The following MECOM variants were observed in gnomAD, a reference collection of about 807,000 sequenced individuals.
MECOM encodes the protein MDS1 and EVI1 complex locus.
Under a neutral mutation model 116.3 loss-of-function variants are expected in MECOM, and 13 were observed. The ratio of observed to expected loss-of-function variants is 0.11; its 90% CI spans 0.07 to 0.18. MECOM has a LOEUF of 0.18. MECOM is among the 10% of genes least tolerant of loss of function. The pLI is 1.00. For synonymous variants in MECOM, 528 were observed against 535.2 expected (o/e 0.99, Z 0.19); for missense variants, 1,299 against 1,509.0 (o/e 0.86, Z 2.31).
At chr3:169,382,874 T>A (rs9859261) in intron 1 of MECOM, among the ~76,000 whole-genome samples, 11,253 of 51,016 alleles carry the variant, frequency 0.22, 1,472 homozygotes, top group East Asian at 0.39. Flanking sequence ...ATAAAAAAAA[T>A]AAAAAAAGAA....
chr3:169,287,697 C>T (rs1177078025), intron 2 of MECOM, among the ~76,000 whole-genome samples: 1 of 151,846 alleles, frequency 6.6e-6, no homozygotes, highest in Non-Finnish European at 1.5e-5. Context: ...TTTATGGATA[C>T]AATTGTTGTA....
At chr3:169,298,931 G>A (rs915371800) in intron 2 of MECOM, among the ~76,000 whole-genome samples, 3 of 152,080 alleles carry the variant, frequency 2.0e-5, no homozygotes, top group African/African-American at 7.2e-5. Flanking sequence ...AAGGGATTTC[G>A]AACTATAATA....
chr3:169,302,637 G>A (rs936407829), intron 2 of MECOM, among the ~76,000 whole-genome samples: 6 of 152,228 alleles, frequency 3.9e-5, no homozygotes, highest in South Asian at 2.1e-4. Flanking sequence ...GGCCGAGGCC[G>A]GTGGATCACT....
At chr3:169,370,170 A>T (rs1401262748) in intron 2 of MECOM, among the ~76,000 whole-genome samples, 2 of 152,054 alleles carry the variant, frequency 1.3e-5, no homozygotes, top group Admixed American at 1.3e-4. Context: ...GCATAAAAAC[A>T]TACACATAGA....
chr3:169,335,716 C>A (rs1441283534), intron 2 of MECOM, among the ~76,000 whole-genome samples: 3 of 151,990 alleles, frequency 2.0e-5, no homozygotes, highest in Admixed American at 1.3e-4. Flanking sequence ...ATTTATGTTT[C>A]TTTTATTTGT....
At chr3:169,086,468 T>C in intron 16 of MECOM, 1 of 655,622 alleles carries the variant, frequency 1.5e-6, no homozygotes, top group Non-Finnish European at 2.7e-6. Context: ...AAGAAAATTT[T>C]GGAATTTAAA....
intron 1 of MECOM, among the ~76,000 whole-genome samples, chr3:169,548,702 A>C (rs1235426832): frequency 6.6e-6 from 1 of 152,190 alleles, no homozygotes; most frequent in East Asian, 1.9e-4. Flanking sequence ...GATAAGGTAG[A>C]TGTCCCTGCT....
intron 1 of MECOM, among the ~76,000 whole-genome samples, chr3:169,432,126 G>A (rs963455833): frequency 5.3e-5 from 8 of 151,686 alleles, no homozygotes; most frequent in East Asian, 1.9e-4. Flanking sequence ...ATGAAGAAAA[G>A]TGATAGTTCC....
At chr3:169,579,169 C>T (rs2109518629) in intron 1 of MECOM, among the ~76,000 whole-genome samples, 1 of 152,290 alleles carries the variant, frequency 6.6e-6, no homozygotes, top group Non-Finnish European at 1.5e-5. Flanking sequence ...TTTAGAACAG[C>T]TGCACAGTCT....
intron 2 of MECOM, among the ~76,000 whole-genome samples, chr3:169,249,990 G>A (rs1756054297): frequency 6.6e-6 from 1 of 152,184 alleles, no homozygotes; most frequent in Non-Finnish European, 1.5e-5. Context: ...TTCTGCATAT[G>A]ATTAAGCACA....
intron 1 of MECOM, among the ~76,000 whole-genome samples, chr3:169,489,808 ATCAG>A (rs1325733660): frequency 6.6e-6 from 1 of 152,232 alleles, no homozygotes; most frequent in Non-Finnish European, 1.5e-5. Context: ...GCTTTATAAT[ATCAG>A]TCAAAAACAA....
chr3:169,182,136 T>C (rs1746048383), intron 2 of MECOM, among the ~76,000 whole-genome samples: 1 of 152,198 alleles, frequency 6.6e-6, no homozygotes, highest in Admixed American at 6.5e-5. Flanking sequence ...TACGATTAAT[T>C]ACCTCTGAAA....
intron 2 of MECOM, among the ~76,000 whole-genome samples, chr3:169,221,776 G>T (rs148713752): frequency 6.6e-6 from 1 of 151,730 alleles, no homozygotes; most frequent in Non-Finnish European, 1.5e-5. Flanking sequence ...CATTATCTAC[G>T]TATCCACTTC....
chr3:169,089,211 A>C, intron 15 of MECOM, 28 bp from the exon 16 acceptor site: 2 of 1,434,026 alleles, frequency 1.4e-6, no homozygotes, highest in South Asian at 3.3e-5. Flanking sequence ...AAAACACAGA[A>C]ATTTTCTTTT....
chr3:169,362,026 T>C lies in MECOM; in HGVS notation c.375+19161A>G, dbSNP rs966604159. On this transcript the variant is annotated intron_variant, in intron 2 of 16. Coordinates refer to ENST00000651503, the MANE Select transcript of MECOM (RefSeq NM_004991.4). ...ATCAAAGGTGCTTTGATTTCAGATATATAAAACACAACTAGACACTAGTTT... is the reference window on the plus strand; with the variant it reads ...ATCAAAGGTGCTTTGATTTCAGATACATAAAACACAACTAGACACTAGTTT... Among the ~76,000 whole-genome samples, 21 of 151,922 alleles carry C rather than the reference T, an allele frequency of 1.4e-4. No homozygotes were observed. The South Asian group carries it at 1.4e-3, about 10-fold the overall frequency.
At chr3:169,533,506 A>T (rs1328805811) in intron 1 of MECOM, among the ~76,000 whole-genome samples, 2 of 150,314 alleles carry the variant, frequency 1.3e-5, no homozygotes, top group Non-Finnish European at 1.5e-5. Context: ...TTGGAGGGGG[A>T]CGTGTAAGGT....
At chr3:169,234,183 A>G (rs1753748134) in intron 2 of MECOM, among the ~76,000 whole-genome samples, 1 of 152,146 alleles carries the variant, frequency 6.6e-6, no homozygotes. Flanking sequence ...ATAGAAACAG[A>G]CCTGAAAAGG....
rs540156513 is a variant in MECOM at position 169,640,576 on chromosome 3, A to G, written c.37+22760T>C. Among the ~76,000 whole-genome samples the G allele has an allele frequency of 6.9e-4, 105 of 152,362 alleles. 1 individual carries two copies. The South Asian group carries it at 0.01, about 15-fold the overall frequency. On this transcript the variant is annotated intron_variant, in intron 1 of 16. Coordinates refer to ENST00000651503, the MANE Select transcript of MECOM (RefSeq NM_004991.4). ...TTCTGTAAGGGGTGGTGGTAACAGT[A>G]GCAGCTTTACAGAGGTCATAGAACT...
intron 2 of MECOM, among the ~76,000 whole-genome samples, chr3:169,175,016 G>A (rs902774838): frequency 6.6e-6 from 1 of 152,148 alleles, no homozygotes; most frequent in African/African-American, 2.4e-5. Context: ...ATCTGGTATA[G>A]AGAATAGATA....
Sources: allele counts gnomAD v4.1 joint callset (sites outside exome capture counted in the v4.1 genomes callset), GRCh38; gene constraint gnomAD v4.1.1; transcripts MANE v1.5; gene names NCBI Gene and HGNC (gene_info 2026-07-23, HGNC 2026-07-21).